The following CCDC85A variants were observed in gnomAD, a reference collection of about 807,000 sequenced individuals.
CCDC85A encodes the protein coiled-coil domain containing 85A.
In CCDC85A, 38 loss-of-function variants were observed where a neutral mutation model predicts 50.2. That is an observed-to-expected ratio of 0.76 (90% CI 0.58 to 0.99). The LOEUF is 0.99. Among genes scored for constraint, CCDC85A ranks in the 50% least tolerant of loss-of-function variants. The probability of loss-of-function intolerance (pLI) is 0.00; values close to 1 mark genes in which losing one functional copy is unlikely to be tolerated. For synonymous variants in CCDC85A, 366 were observed against 301.4 expected (o/e 1.21, Z -2.22); for missense variants, 820 against 742.0 (o/e 1.11, Z -1.22).
intron 5 of CCDC85A, among the ~76,000 whole-genome samples, chr2:56,381,004 G>A (rs940433787): frequency 8.6e-5 from 13 of 151,992 alleles, no homozygotes; most frequent in African/African-American, 2.7e-4. Context: ...AGACACTTAC[G>A]CATCAACCTC....
At chr2:56,218,646 C>T (rs1441371013) in intron 2 of CCDC85A, among the ~76,000 whole-genome samples, 2 of 151,678 alleles carry the variant, frequency 1.3e-5, no homozygotes, top group Non-Finnish European at 2.9e-5. Flanking sequence ...ACATTTGTCC[C>T]CCAAATATCC....
In CCDC85A at chr2:56,384,346, A is replaced by G. The variant is rs778696528; in HGVS notation, c.1653A>G (p.Gly551=). The G allele has an allele frequency of 4.3e-6, 7 of 1,610,974 alleles. No homozygotes were observed. The South Asian group carries it at 5.5e-5, about 13-fold the overall frequency. ...RQHLSGNQYK[G]PM is the part of the protein sequence containing the mutation. Reference sequence around the variant, plus strand: ...ATTTGTCAGGAAACCAGTACAAAGGACCAATGTGAGATGCACTCTTTTTCA... The same window carrying G: ...ATTTGTCAGGAAACCAGTACAAAGGGCCAATGTGAGATGCACTCTTTTTCA... Residue 551 remains glycine (G), a synonymous_variant, in exon 6 of 6, where the codon GGA becomes GGG. Coordinates refer to ENST00000407595, the MANE Select transcript of CCDC85A (RefSeq NM_001080433.2).
intron 3 of CCDC85A, among the ~76,000 whole-genome samples, chr2:56,368,621 T>G (rs1177062347): frequency 6.6e-6 from 1 of 152,038 alleles, no homozygotes; most frequent in African/African-American, 2.4e-5. Context: ...GGAAACCACT[T>G]TAGCTGATCA....
chr2:56,348,754 G>A (rs57375583), intron 3 of CCDC85A, among the ~76,000 whole-genome samples: 2,690 of 152,252 alleles, frequency 0.018, 53 homozygotes, highest in African/African-American at 0.047. Flanking sequence ...AGAATTACTA[G>A]CATGGGGGCA....
At chr2:56,217,120 C>G (rs565332275) in intron 2 of CCDC85A, among the ~76,000 whole-genome samples, 1 of 152,004 alleles carries the variant, frequency 6.6e-6, no homozygotes, top group African/African-American at 2.4e-5. Flanking sequence ...AGAGGTAATA[C>G]AAATGAGGAT....
intron 2 of CCDC85A, among the ~76,000 whole-genome samples, chr2:56,208,280 C>A (rs969250640): frequency 2.0e-5 from 3 of 152,062 alleles, no homozygotes; most frequent in Non-Finnish European, 2.9e-5. Context: ...ATTTCATTAG[C>A]CCAGAAGAAA....
chr2:56,185,294 T>C (rs910868788), intron 1 of CCDC85A, among the ~76,000 whole-genome samples: 21 of 151,680 alleles, frequency 1.4e-4, no homozygotes, highest in African/African-American at 4.8e-4. Context: ...CCTTGGAGGG[T>C]CGGGAATGCG....
intron 3 of CCDC85A, among the ~76,000 whole-genome samples, chr2:56,346,986 A>C (rs1195396037): frequency 6.6e-6 from 1 of 152,222 alleles, no homozygotes; most frequent in African/African-American, 2.4e-5. Flanking sequence ...ATGAGATTTC[A>C]TTAACTTTTG....
chr2:56,209,505 G>T (rs1677100082), intron 2 of CCDC85A, among the ~76,000 whole-genome samples: 1 of 151,314 alleles, frequency 6.6e-6, no homozygotes, highest in Admixed American at 6.6e-5. Context: ...ACAGAGAATG[G>T]CCTTTTTTGT....
intron 2 of CCDC85A, among the ~76,000 whole-genome samples, chr2:56,245,856 A>G (rs13408442): frequency 0.024 from 3,594 of 152,282 alleles, 139 homozygotes; most frequent in African/African-American, 0.079. Context: ...GAAGGCCTTC[A>G]CCAGACCAAA....
At chr2:56,262,162 T>G (rs1424430134) in intron 2 of CCDC85A, among the ~76,000 whole-genome samples, 1 of 152,140 alleles carries the variant, frequency 6.6e-6, no homozygotes, top group Non-Finnish European at 1.5e-5. Context: ...AGATTCAGTC[T>G]CCTGTGGCTG....
At chr2:56,311,344 T>A (rs1392018691) in intron 2 of CCDC85A, among the ~76,000 whole-genome samples, 1 of 152,186 alleles carries the variant, frequency 6.6e-6, no homozygotes, top group Non-Finnish European at 1.5e-5. Flanking sequence ...TATTTGACAG[T>A]TTCCATCAAT....
At chr2:56,346,487 G>A (rs1284380334) in intron 3 of CCDC85A, among the ~76,000 whole-genome samples, 1 of 152,174 alleles carries the variant, frequency 6.6e-6, no homozygotes, top group Admixed American at 6.5e-5. Flanking sequence ...AGTGCTGATG[G>A]AGCCTCTGTA....
chr2:56,291,370 G>A (rs1267502569), intron 2 of CCDC85A, among the ~76,000 whole-genome samples: 1 of 152,220 alleles, frequency 6.6e-6, no homozygotes. Context: ...TAGAGAGTGA[G>A]ATAAAGGCAT....
chr2:56,248,400 C>T (rs1280674689), intron 2 of CCDC85A, among the ~76,000 whole-genome samples: 2 of 152,096 alleles, frequency 1.3e-5, no homozygotes, highest in Non-Finnish European at 2.9e-5. Flanking sequence ...GTATGGCCTG[C>T]CCTCACAGAG....
intron 2 of CCDC85A, among the ~76,000 whole-genome samples, chr2:56,337,313 G>A (rs151226535): frequency 5.9e-4 from 90 of 152,244 alleles, no homozygotes; most frequent in Non-Finnish European, 9.6e-4. Flanking sequence ...CATCAATATC[G>A]TTTGCTTCAC....
chr2:56,274,118 C>A (rs1188717623), intron 2 of CCDC85A, among the ~76,000 whole-genome samples: 1 of 152,082 alleles, frequency 6.6e-6, no homozygotes, highest in African/African-American at 2.4e-5. Context: ...AACTACCCAA[C>A]CCTTGTAGAT....
chr2:56,314,000 G>T (rs1437210452), intron 2 of CCDC85A, among the ~76,000 whole-genome samples: 1 of 150,854 alleles, frequency 6.6e-6, no homozygotes, highest in African/African-American at 2.4e-5. Context: ...GTGAAGTTTT[G>T]GCTGGTGATC....
intron 2 of CCDC85A, among the ~76,000 whole-genome samples, chr2:56,335,662 C>T (rs1471410073): frequency 6.6e-6 from 1 of 151,158 alleles, no homozygotes; most frequent in Non-Finnish European, 1.5e-5. Context: ...AGTGCAGTGG[C>T]ACAATCTGGG....
Sources: gnomAD v4.1 joint callset for allele counts (sites outside exome capture counted in the v4.1 genomes callset) on GRCh38, gnomAD v4.1.1 for gene constraint, MANE v1.5 for transcripts, NCBI Gene and HGNC (gene_info 2026-07-23, HGNC 2026-07-21) for gene names.